Variants in ARK2C observed in about 807,000 individuals in gnomAD.
ARK2C encodes E3 ubiquitin-protein ligase ARK2C.
At chr18:46,435,671 G>A in the ARK2C span, among the ~76,000 whole-genome samples, 1 of 152,226 alleles carries the variant, frequency 6.6e-6, no homozygotes, top group Non-Finnish European at 1.5e-5. Context: ...GGGGGACAGG[G>A]ATAGAAAACA....
At chr18:46,350,471 C>T in the ARK2C span, among the ~76,000 whole-genome samples, 2 of 152,226 alleles carry the variant, frequency 1.3e-5, no homozygotes, top group Admixed American at 6.5e-5. Flanking sequence ...GAGAAGGGAG[C>T]GCTGAGGTAT....
the ARK2C span, among the ~76,000 whole-genome samples, chr18:46,360,214 G>A: frequency 5.9e-5 from 9 of 152,134 alleles, no homozygotes; most frequent in African/African-American, 1.7e-4. Flanking sequence ...CTCCTCTCCC[G>A]CATGGGGCCC....
chr18:46,431,736 G>C, the ARK2C span, among the ~76,000 whole-genome samples: 19 of 152,322 alleles, frequency 1.2e-4, no homozygotes, highest in East Asian at 3.3e-3. Flanking sequence ...CCTTGCATGA[G>C]AAAGGGGAGG....
chr18:46,355,139 G>A, the ARK2C span, among the ~76,000 whole-genome samples: 15 of 151,990 alleles, frequency 9.9e-5, no homozygotes, highest in African/African-American at 3.4e-4. Flanking sequence ...TTTTAGTAGA[G>A]ACAGGGTTTC....
At chr18:46,448,072 C>T in the ARK2C span, among the ~76,000 whole-genome samples, 3 of 149,104 alleles carry the variant, frequency 2.0e-5, no homozygotes, top group Admixed American at 6.7e-5. Context: ...CCTGACTTTT[C>T]GGTGCCCTGG....
chr18:46,460,275 G>A, the ARK2C span: 2 of 152,290 alleles, frequency 1.3e-5, no homozygotes, highest in African/African-American at 2.4e-5. Flanking sequence ...CACTCCCTGC[G>A]TGGGGCTGTA....
At chr18:46,450,648 T>G in the ARK2C span, 2 of 1,333,954 alleles carry the variant, frequency 1.5e-6, no homozygotes, top group Non-Finnish European at 2.2e-6. Context: ...ATATCCTGTG[T>G]GCATGTGGGC....
At chr18:46,393,463 T>C in the ARK2C span, among the ~76,000 whole-genome samples, 18 of 152,252 alleles carry the variant, frequency 1.2e-4, no homozygotes, top group East Asian at 3.5e-3. Context: ...GCCCAGGGCT[T>C]TAGAAATGGG....
At chr18:46,399,915 G>T in the ARK2C span, among the ~76,000 whole-genome samples, 1 of 152,186 alleles carries the variant, frequency 6.6e-6, no homozygotes, top group African/African-American at 2.4e-5. Flanking sequence ...CTTTTCCAAA[G>T]CACTTCAGTG....
the ARK2C span, among the ~76,000 whole-genome samples, chr18:46,409,631 A>C: frequency 6.6e-6 from 1 of 151,950 alleles, no homozygotes; most frequent in Non-Finnish European, 1.5e-5. Context: ...GGGGTCAGGC[A>C]GTCTCAGTCC....
the ARK2C span, chr18:46,435,364 T>G: frequency 6.2e-7 from 1 of 1,614,044 alleles, no homozygotes; most frequent in Non-Finnish European, 8.5e-7. Flanking sequence ...TGCAGACACC[T>G]CAGCCCAGGT....
At chr18:46,343,958 A>G in the ARK2C span, among the ~76,000 whole-genome samples, 2 of 152,210 alleles carry the variant, frequency 1.3e-5, no homozygotes, top group African/African-American at 4.8e-5. Flanking sequence ...TTGTTGGGCC[A>G]CTGAGCGGGA....
At chr18:46,398,741 C>A in the ARK2C span, among the ~76,000 whole-genome samples, 1 of 152,006 alleles carries the variant, frequency 6.6e-6, no homozygotes, top group African/African-American at 2.4e-5. Flanking sequence ...GCACCTGTGA[C>A]AGGAGGGGCC....
chr18:46,442,844 G>C, the ARK2C span, among the ~76,000 whole-genome samples: 1 of 152,052 alleles, frequency 6.6e-6, no homozygotes. Context: ...GATATTAAAA[G>C]GATTGTCATT....
the ARK2C span, among the ~76,000 whole-genome samples, chr18:46,376,664 C>CTTTTTTTTTTTTTTTTTTTTTTTTTTTT: frequency 2.8e-5 from 2 of 72,246 alleles, no homozygotes; most frequent in African/African-American, 5.7e-5. Context: ...GGTTAATAAT[C>CTTTTTTTTTTTTTTTTTTTTTTTTTTTT]TTTTTTTTTT....
the ARK2C span, chr18:46,385,842 T>C: frequency 6.6e-6 from 1 of 152,222 alleles, no homozygotes; most frequent in African/African-American, 2.4e-5. Flanking sequence ...GTGTTTCAGC[T>C]GAGCCTGGTG....
chr18:46,438,674 C>T, the ARK2C span, among the ~76,000 whole-genome samples: 1 of 152,206 alleles, frequency 6.6e-6, no homozygotes, highest in Non-Finnish European at 1.5e-5. Context: ...AGGCACTGTC[C>T]TTCTGCAGGC....
the ARK2C span, among the ~76,000 whole-genome samples, chr18:46,441,359 A>G: frequency 6.6e-6 from 1 of 152,174 alleles, no homozygotes; most frequent in Non-Finnish European, 1.5e-5. Flanking sequence ...AGCTGGGATT[A>G]CAGGTGTGTG....
chr18:46,391,338 C>T, the ARK2C span, among the ~76,000 whole-genome samples: 19 of 152,212 alleles, frequency 1.2e-4, no homozygotes, highest in Non-Finnish European at 2.1e-4. Flanking sequence ...TCTCTGTTGG[C>T]CAAATGGGAC....
Sources: allele counts gnomAD v4.1 joint callset (sites outside exome capture counted in the v4.1 genomes callset), GRCh38; gene constraint gnomAD v4.1.1; transcripts MANE v1.5; gene names NCBI Gene and HGNC (gene_info 2026-07-23, HGNC 2026-07-21).